HIVEP3: variants seen among roughly 807,000 people sequenced by gnomAD.
The protein encoded by HIVEP3 is transcription factor HIVEP3.
In HIVEP3, 49 loss-of-function variants were observed where a neutral mutation model predicts 152.8. The observed-to-expected ratio is 0.32, with a 90% CI of 0.26 to 0.41. HIVEP3 has a LOEUF of 0.41. HIVEP3 is among the 10% of genes least tolerant of loss of function. HIVEP3 has a pLI of 1.00. For missense variants in HIVEP3, 2,790 were observed against 3,103.3 expected (o/e 0.90, Z 2.40); for synonymous variants, 1,269 against 1,289.0 (o/e 0.98, Z 0.33).
At chr1:41,659,210 C>T (rs1240259578) in intron 2 of HIVEP3, among the ~76,000 whole-genome samples, 1 of 152,176 alleles carries the variant, frequency 6.6e-6, no homozygotes, top group Non-Finnish European at 1.5e-5. Context: ...AATATTCTTT[C>T]CCCAAAGCTT....
intron 1 of HIVEP3, among the ~76,000 whole-genome samples, chr1:41,898,178 T>A (rs1431560739): frequency 6.6e-6 from 1 of 152,242 alleles, no homozygotes; most frequent in African/African-American, 2.4e-5. Flanking sequence ...TCTTGGTGCA[T>A]CTTGGAACCA....
In HIVEP3 at chr1:41,524,811, C is replaced by T; in HGVS notation, c.5307G>A (p.Leu1769=). 6.2e-7 allele frequency: 1 copy of T among 1,614,168 alleles called. No homozygotes were observed. The highest frequency in any genetic ancestry group is 8.5e-7 in the Non-Finnish European group (1 of 1,180,004). The change falls in exon 6 of 9, where the codon CTG becomes CTA. Residue 1769 remains leucine, a synonymous_variant. Coordinates refer to ENST00000372583, the MANE Select transcript of HIVEP3 (RefSeq NM_024503.5). ...CGIRCKKPSM[L]KKHIRTHTDV... ...CAGTGTGGGTGCGGATGTGTTTCTT[C>T]AGCATGCTGGGCTTCTTGCAGCGAA...
intron 1 of HIVEP3, among the ~76,000 whole-genome samples, chr1:41,864,829 T>A (rs936713499): frequency 6.6e-5 from 10 of 152,218 alleles, no homozygotes; most frequent in African/African-American, 2.2e-4. Flanking sequence ...CCCACTCTAA[T>A]CCAAGGGGGT....
In HIVEP3 at chr1:41,581,881, T is replaced by C. The variant is rs758228726; in HGVS notation, c.2917A>G (p.Thr973Ala). 6.2e-6 allele frequency: 10 copies of C among 1,611,924 alleles called. No homozygotes were observed. Among genetic ancestry groups the C allele is most frequent in the Non-Finnish European group, 8.5e-6 (10 of 1,178,762 alleles). Residue 973 changes from threonine (T) to alanine (A), a missense_variant, in exon 4 of 9, where the codon ACC becomes GCC. Physicochemically the swap from Thr to Ala is moderately conservative, Grantham distance 58. Coordinates refer to ENST00000372583, the MANE Select transcript of HIVEP3 (RefSeq NM_024503.5). This position sits in a 1 kb window ranked among gnomAD's most constrained non-coding sequence, Gnocchi z 4.5. ...SSDMRPKPLG[T>A]HMLTVPSHHP... ...TGGCTGGGGACAGTCAACATGTGGG[T>C]GCCCAGGGGTTTGGGGCGCATGTCA... is the stretch of plus-strand genomic sequence containing the variant.
intron 1 of HIVEP3, among the ~76,000 whole-genome samples, chr1:41,701,765 C>G (rs893770690): frequency 2.0e-5 from 3 of 152,146 alleles, no homozygotes; most frequent in South Asian, 4.1e-4. Context: ...TATAGCACCA[C>G]TACATATATT....
intron 1 of HIVEP3, among the ~76,000 whole-genome samples, chr1:41,761,070 A>G (rs1031175148): frequency 7.9e-5 from 12 of 152,264 alleles, no homozygotes; most frequent in African/African-American, 2.9e-4. Flanking sequence ...GTCTGGTGAG[A>G]GAGACTACAG....
chr1:42,026,061 C>G (rs1645580311), intron 1 of HIVEP3, among the ~76,000 whole-genome samples: 2 of 151,636 alleles, frequency 1.3e-5, no homozygotes, highest in South Asian at 2.1e-4. Context: ...AGAGCAAGAC[C>G]CTGTCTCAAA....
At chr1:41,526,324 C>T (rs1642906960) in intron 5 of HIVEP3, among the ~76,000 whole-genome samples, 1 of 145,270 alleles carries the variant, frequency 6.9e-6, no homozygotes, top group South Asian at 2.3e-4. Flanking sequence ...CGCTCACCCT[C>T]ATACTAAAAC....
intron 1 of HIVEP3, among the ~76,000 whole-genome samples, chr1:41,752,285 G>A (rs774797449): frequency 1.5e-4 from 23 of 152,190 alleles, no homozygotes; most frequent in Admixed American, 2.6e-4. Flanking sequence ...AGTCACCCAC[G>A]GAGGCTCCGC....
intron 2 of HIVEP3, among the ~76,000 whole-genome samples, chr1:41,684,214 A>G (rs1222358132): frequency 6.6e-6 from 1 of 152,062 alleles, no homozygotes; most frequent in Admixed American, 6.5e-5. Flanking sequence ...CCTGGAGGTG[A>G]CTCAGCGAGA....
intron 1 of HIVEP3, among the ~76,000 whole-genome samples, chr1:41,766,335 T>A (rs984762635): frequency 2.0e-5 from 3 of 152,192 alleles, no homozygotes; most frequent in African/African-American, 7.2e-5. Flanking sequence ...TTAACTATCA[T>A]ACAAGGCACA....
chr1:42,017,531 G>C (rs1413038666), intron 1 of HIVEP3, among the ~76,000 whole-genome samples: 1 of 152,026 alleles, frequency 6.6e-6, no homozygotes, highest in Non-Finnish European at 1.5e-5. Flanking sequence ...AGTGCTGCCT[G>C]TTTGAGTGTT....
chr1:41,550,721 ATGT>A (rs1643885755), intron 5 of HIVEP3, among the ~76,000 whole-genome samples: 1 of 152,148 alleles, frequency 6.6e-6, no homozygotes, highest in Admixed American at 6.6e-5. Context: ...TTGCACATTG[ATGT>A]TGTATCCTGA....
chr1:41,722,403 G>GCCTGCCTTCCTTCCTTCCTT lies in HIVEP3; in HGVS notation c.-800-21409_-800-21408insAAGGAAGGAAGGAAGGCAGG, dbSNP rs1553253035. Among the ~76,000 whole-genome samples the GCCTGCCTTCCTTCCTTCCTT allele has an allele frequency of 1.6e-3, 180 of 113,038 alleles. 2 individuals are homozygous for GCCTGCCTTCCTTCCTTCCTT. Among genetic ancestry groups the GCCTGCCTTCCTTCCTTCCTT allele is most frequent in the African/African-American group, 5.9e-3 (162 of 27,620 alleles). 74.2% of individuals were successfully genotyped at this position (113,038 alleles called of 152,430 possible). A position where few individuals can be genotyped will look rare whatever the true frequency, so the allele number is the denominator to read the frequency against. On this transcript the variant is annotated intron_variant, in intron 1 of 8. Coordinates refer to ENST00000372583, the MANE Select transcript of HIVEP3 (RefSeq NM_024503.5). ...GAGATCAGCAAAATAAATTTGGCTG[G>GCCTGCCTTCCTTCCTTCCTT]CCTTCCTTCCTTCCTTCCTTCCTTC...
chr1:41,910,164 T>C (rs1279247856), intron 1 of HIVEP3, among the ~76,000 whole-genome samples: 2 of 151,938 alleles, frequency 1.3e-5, no homozygotes, highest in African/African-American at 2.4e-5. Context: ...TAGTCTCTAA[T>C]AACATTGAGA....
chr1:41,957,535 A>T (rs1298626964), intron 1 of HIVEP3, among the ~76,000 whole-genome samples: 1 of 152,250 alleles, frequency 6.6e-6, no homozygotes, highest in Non-Finnish European at 1.5e-5. Flanking sequence ...CTATAAAAGC[A>T]TCTGGGAGAA....
chr1:41,969,127 A>G (rs1645214983), intron 1 of HIVEP3, among the ~76,000 whole-genome samples: 1 of 152,192 alleles, frequency 6.6e-6, no homozygotes, highest in Non-Finnish European at 1.5e-5. Context: ...GAAAATGGCC[A>G]TATTGCCCAA....
chr1:41,603,645 C>T (rs1439179516), intron 3 of HIVEP3, among the ~76,000 whole-genome samples: 1 of 152,206 alleles, frequency 6.6e-6, no homozygotes, highest in Non-Finnish European at 1.5e-5. Flanking sequence ...CAGGTGTGAG[C>T]CACTGTGCCT....
chr1:41,582,032 G>A lies in HIVEP3; in HGVS notation c.2766C>T (p.Phe922=), dbSNP rs138905658. The A allele has an allele frequency of 3.7e-5, 59 of 1,614,170 alleles. No homozygotes were observed. The highest frequency in any genetic ancestry group is 3.3e-4 in the Middle Eastern group (2 of 6,062). ...TGCGAGACAGAGGCACAGAGGACTC[G>A]AAGCTGGACTCCCCTGATGATTGGG... ...EMAQSSGESS[F]ESSVPLSRSP... Residue 922 remains phenylalanine (F), a synonymous_variant, in exon 4 of 9, where the codon TTC becomes TTT. Coordinates refer to ENST00000372583, the MANE Select transcript of HIVEP3 (RefSeq NM_024503.5). This position sits in a 1 kb window ranked among gnomAD's most constrained non-coding sequence, Gnocchi z 4.7.
Sources: allele counts gnomAD v4.1 joint callset (sites outside exome capture counted in the v4.1 genomes callset), GRCh38; gene constraint gnomAD v4.1.1; non-coding constraint Gnocchi (gnomAD v3.1); transcripts MANE v1.5; gene names NCBI Gene and HGNC (gene_info 2026-07-23, HGNC 2026-07-21).